CHCHD6: variants seen among roughly 807,000 people sequenced by gnomAD.
CHCHD6 encodes the protein MICOS complex subunit MIC25.
Under a neutral mutation model 32.3 loss-of-function variants are expected in CHCHD6, and 28 were observed. The ratio of observed to expected loss-of-function variants is 0.87; its 90% confidence interval spans 0.64 to 1.19. The LOEUF is 1.19. Among genes scored for constraint, CHCHD6 ranks in the 50% most tolerant of loss-of-function variants. The pLI, the probability that CHCHD6 is intolerant of heterozygous loss-of-function variation, is 0.00. For synonymous variants in CHCHD6, 122 were observed against 117.5 expected (o/e 1.04, Z -0.25); for missense variants, 333 against 307.0 (o/e 1.08, Z -0.63).
At chr3:126,765,981 C>A (rs139716900) in intron 4 of CHCHD6, among the ~76,000 whole-genome samples, 1 of 152,076 alleles carries the variant, frequency 6.6e-6, no homozygotes, top group Non-Finnish European at 1.5e-5. Flanking sequence ...GGAAGCAGGC[C>A]GGTGACTTTG....
intron 4 of CHCHD6, among the ~76,000 whole-genome samples, chr3:126,802,283 T>A (rs1939118658): frequency 6.6e-6 from 1 of 152,100 alleles, no homozygotes; most frequent in South Asian, 2.1e-4. Context: ...AGGAGGAAAT[T>A]CAAACCAAAG....
chr3:126,786,738 G>A (rs1254162137), intron 4 of CHCHD6, among the ~76,000 whole-genome samples: 1 of 152,176 alleles, frequency 6.6e-6, no homozygotes, highest in African/African-American at 2.4e-5. Flanking sequence ...TTTGTCAGAT[G>A]AGTAGATTGC....
At chr3:126,930,096 AG>A (rs2078382521) in intron 6 of CHCHD6, among the ~76,000 whole-genome samples, 1 of 152,126 alleles carries the variant, frequency 6.6e-6, no homozygotes, top group Non-Finnish European at 1.5e-5. Flanking sequence ...AAGTGTCTGG[AG>A]CTGTCAGGCC....
Position 126,957,425 on chromosome 3 carries a change from G to T in CHCHD6, c.576G>T (p.Arg192Ser), listed in dbSNP as rs201542486. 614 of 1,611,172 alleles carry T rather than the reference G, an allele frequency of 3.8e-4. 3 individuals are homozygous for T. Among genetic ancestry groups the T allele is most frequent in the Non-Finnish European group, 1.3e-5 (15 of 1,179,242 alleles). The change falls in exon 7 of 8, where the codon AGG becomes AGT. Residue 192 changes from arginine to serine, a missense_variant. Coordinates refer to ENST00000290913, the MANE Select transcript of CHCHD6 (RefSeq NM_032343.3). ...SKMESTIKPR[R>S]VEPVCSGLQA... The stretch of plus-strand genomic sequence containing the variant: ...CTCTTGTCTTCTGCAGGCCCCGCAG[G>T]GTGGAGCCCGTCTGCTCAGGGTTGC...
intron 6 of CHCHD6, among the ~76,000 whole-genome samples, chr3:126,919,049 C>A (rs2078207756): frequency 6.6e-6 from 1 of 151,820 alleles, no homozygotes. Flanking sequence ...CTGTTTAATT[C>A]TTCTGTGATT....
intron 4 of CHCHD6, among the ~76,000 whole-genome samples, chr3:126,743,069 G>A (rs2107664216): frequency 6.6e-6 from 1 of 152,188 alleles, no homozygotes; most frequent in East Asian, 1.9e-4. Context: ...GCAAGGAGAA[G>A]GTGAAACGCA....
intron 4 of CHCHD6, among the ~76,000 whole-genome samples, chr3:126,754,420 C>T (rs1936863832): frequency 1.3e-5 from 2 of 152,196 alleles, no homozygotes; most frequent in South Asian, 4.1e-4. Context: ...CCCTTCAGCC[C>T]CTAAGCCATG....
chr3:126,852,012 C>A (rs1941491574), intron 4 of CHCHD6, among the ~76,000 whole-genome samples: 1 of 152,182 alleles, frequency 6.6e-6, no homozygotes, highest in Admixed American at 6.5e-5. Flanking sequence ...GCCCTGTGCT[C>A]CAACAGGGAC....
intron 5 of CHCHD6, among the ~76,000 whole-genome samples, chr3:126,899,105 C>T (rs867346732): frequency 2.8e-4 from 43 of 152,202 alleles, no homozygotes; most frequent in African/African-American, 8.9e-4. Context: ...GACTGCGTAG[C>T]TCAGGTTTAC....
At chr3:126,750,002 C>T (rs1239178308) in intron 4 of CHCHD6, among the ~76,000 whole-genome samples, 1 of 152,200 alleles carries the variant, frequency 6.6e-6, no homozygotes, top group Admixed American at 6.5e-5. Context: ...TGTTCAGGAC[C>T]TCTGTTCTCT....
At chr3:126,916,947 G>C (rs1378527904) in intron 6 of CHCHD6, among the ~76,000 whole-genome samples, 1 of 152,182 alleles carries the variant, frequency 6.6e-6, no homozygotes, top group Admixed American at 6.5e-5. Flanking sequence ...GATGCACTGG[G>C]GGAGAAGCCA....
intron 5 of CHCHD6, among the ~76,000 whole-genome samples, chr3:126,881,720 T>C (rs1012427717): frequency 6.6e-6 from 1 of 152,236 alleles, no homozygotes; most frequent in Non-Finnish European, 1.5e-5. Flanking sequence ...CGCTGTGTTT[T>C]GTTGTATCTT....
intron 4 of CHCHD6, among the ~76,000 whole-genome samples, chr3:126,788,494 A>C (rs1176459950): frequency 6.6e-6 from 1 of 152,062 alleles, no homozygotes; most frequent in Non-Finnish European, 1.5e-5. Flanking sequence ...TTATTGTCTC[A>C]ATTTCAGAGC....
intron 4 of CHCHD6, among the ~76,000 whole-genome samples, chr3:126,767,974 C>T (rs1937443663): frequency 1.3e-5 from 2 of 152,168 alleles, no homozygotes; most frequent in Non-Finnish European, 1.5e-5. Context: ...ACATGTACCA[C>T]ATTTTGTTTA....
intron 5 of CHCHD6, among the ~76,000 whole-genome samples, chr3:126,892,546 C>T (rs1347771845): frequency 1.3e-5 from 2 of 152,212 alleles, no homozygotes; most frequent in African/African-American, 2.4e-5. Flanking sequence ...ATTCCTGCTG[C>T]GTGGTTCTTC....
At position 126,731,347 on chromosome 3, in the gene CHCHD6, G is replaced by A. The variant is rs190623184; in HGVS notation, c.266+717G>A. 4.6e-5 allele frequency among the ~76,000 whole-genome samples: 7 copies of A among 152,194 alleles called. No individual in the cohort carries two copies. The East Asian group carries it at 5.8e-4, about 13-fold the overall frequency. On this transcript the variant is annotated intron_variant, in intron 3 of 7. Coordinates refer to ENST00000290913, the MANE Select transcript of CHCHD6 (RefSeq NM_032343.3). The stretch of plus-strand genomic sequence containing the variant: ...GTCATGGGACCTGCTTCCTGTCGCC[G>A]GAGAAGTTTTAGCAAAGTGGTTAAG...
At chr3:126,891,060 G>T (rs959970354) in intron 5 of CHCHD6, among the ~76,000 whole-genome samples, 1 of 152,220 alleles carries the variant, frequency 6.6e-6, no homozygotes, top group Non-Finnish European at 1.5e-5. Context: ...GCACTGCCCT[G>T]TGTGCTGGGG....
chr3:126,940,897 CTTA>C (rs2078550113), intron 6 of CHCHD6, among the ~76,000 whole-genome samples: 1 of 151,704 alleles, frequency 6.6e-6, no homozygotes, highest in South Asian at 2.1e-4. Context: ...CATTTTTCTC[CTTA>C]TTATTCATTT....
intron 6 of CHCHD6, among the ~76,000 whole-genome samples, chr3:126,926,261 G>T (rs556424960): frequency 6.6e-6 from 1 of 152,336 alleles, no homozygotes; most frequent in East Asian, 1.9e-4. Flanking sequence ...ACATATTCAG[G>T]CATTGCATTT....
Sources: allele counts gnomAD v4.1 joint callset (sites outside exome capture counted in the v4.1 genomes callset), GRCh38; gene constraint gnomAD v4.1.1; transcripts MANE v1.5; gene names NCBI Gene and HGNC (gene_info 2026-07-23, HGNC 2026-07-21).